Variants in ADAMTS12 observed in about 807,000 individuals in gnomAD.
The protein encoded by ADAMTS12 is ADAM metallopeptidase with thrombospondin type 1 motif 12.
ADAMTS12 carries 118 observed loss-of-function variants against 167.8 expected under a neutral mutation model. That is an observed-to-expected ratio of 0.70 (90% confidence interval 0.61 to 0.82). The LOEUF (loss-of-function observed/expected upper bound fraction) is 0.82. ADAMTS12 is among the 40% of genes least tolerant of loss of function. ADAMTS12 has a pLI of 0.00. For missense variants in ADAMTS12, 1,916 were observed against 1,998.8 expected (o/e 0.96, Z 0.79); for synonymous variants, 704 against 716.9 (o/e 0.98, Z 0.29).
chr5:33,580,464 C>T (rs552916679), intron 18 of ADAMTS12, among the ~76,000 whole-genome samples: 20 of 149,974 alleles, frequency 1.3e-4, no homozygotes, highest in Non-Finnish European at 2.5e-4. Context: ...CCCATGAGTT[C>T]CCTCCCTCAA....
intron 13 of ADAMTS12, among the ~76,000 whole-genome samples, chr5:33,626,996 A>T: frequency 8.1e-6 from 1 of 123,912 alleles, no homozygotes; most frequent in Non-Finnish European, 1.7e-5. Context: ...TTTGATGGTA[A>T]TGGTGGTGGT....
intron 2 of ADAMTS12, among the ~76,000 whole-genome samples, chr5:33,845,912 C>T (rs920504478): frequency 6.6e-6 from 1 of 152,288 alleles, no homozygotes. Context: ...AGAGGAGGTG[C>T]CAGCCTCTTG....
intron 12 of ADAMTS12, among the ~76,000 whole-genome samples, 154 bp downstream of exon 12, chr5:33,637,423 C>A (rs1264966893): frequency 6.6e-6 from 1 of 152,198 alleles, no homozygotes; most frequent in Non-Finnish European, 1.5e-5. Flanking sequence ...ATCAACTTAA[C>A]CAGGTCAGTG....
intron 5 of ADAMTS12, among the ~76,000 whole-genome samples, chr5:33,671,869 C>A (rs1457014446): frequency 6.6e-6 from 1 of 150,898 alleles, no homozygotes; most frequent in East Asian, 2.0e-4. Context: ...CACATACACA[C>A]ACACACAACC....
chr5:33,538,506 TG>T (rs889006996), intron 22 of ADAMTS12, among the ~76,000 whole-genome samples: 2 of 152,134 alleles, frequency 1.3e-5, no homozygotes, highest in African/African-American at 4.8e-5. Flanking sequence ...TGAGATACAA[TG>T]GGACTTGCTC....
intron 2 of ADAMTS12, among the ~76,000 whole-genome samples, chr5:33,869,093 C>T (rs557843923): frequency 6.6e-6 from 1 of 152,264 alleles, no homozygotes; most frequent in African/African-American, 2.4e-5. Flanking sequence ...GCAGCTGCTC[C>T]ATCACAGACC....
intron 2 of ADAMTS12, among the ~76,000 whole-genome samples, chr5:33,824,014 T>C (rs979681990): frequency 1.3e-5 from 2 of 152,226 alleles, no homozygotes; most frequent in African/African-American, 4.8e-5. Flanking sequence ...TGGTCAGTTA[T>C]ATACCCCAAT....
At chr5:33,544,260 A>G (rs568131755) in intron 22 of ADAMTS12, among the ~76,000 whole-genome samples, 45 of 152,356 alleles carry the variant, frequency 3.0e-4, no homozygotes, top group South Asian at 1.7e-3. Flanking sequence ...TCCCATTCAC[A>G]ATCGCTACAA....
At chr5:33,868,457 C>T (rs539617936) in intron 2 of ADAMTS12, among the ~76,000 whole-genome samples, 1 of 152,294 alleles carries the variant, frequency 6.6e-6, no homozygotes, top group Admixed American at 6.5e-5. Context: ...TGATGAGGAA[C>T]TTGTTGGGAA....
chr5:33,557,624 C>G (rs1421481799), intron 20 of ADAMTS12, among the ~76,000 whole-genome samples: 1 of 151,618 alleles, frequency 6.6e-6, no homozygotes, highest in African/African-American at 2.4e-5. Flanking sequence ...AGTGAGACCC[C>G]ATCTCAAAAA....
intron 2 of ADAMTS12, among the ~76,000 whole-genome samples, chr5:33,771,373 T>C (rs1481994813): frequency 6.6e-6 from 1 of 152,178 alleles, no homozygotes; most frequent in African/African-American, 2.4e-5. Flanking sequence ...GTACCAGTTA[T>C]TGCCTGGGAG....
chr5:33,764,960 C>T (rs930447897), intron 2 of ADAMTS12, among the ~76,000 whole-genome samples: 1 of 152,062 alleles, frequency 6.6e-6, no homozygotes, highest in African/African-American at 2.4e-5. Flanking sequence ...ATGAACATAA[C>T]ACACCAAAAC....
At chr5:33,777,888 C>T (rs1396197078) in intron 2 of ADAMTS12, among the ~76,000 whole-genome samples, 6 of 151,444 alleles carry the variant, frequency 4.0e-5, no homozygotes, top group Non-Finnish European at 7.4e-5. Flanking sequence ...TAACAAAGAG[C>T]TATCCCAAAA....
chr5:33,839,909 T>C (rs1748684453), intron 2 of ADAMTS12, among the ~76,000 whole-genome samples: 1 of 152,240 alleles, frequency 6.6e-6, no homozygotes, highest in South Asian at 2.1e-4. Flanking sequence ...TTACTAGGGC[T>C]GAATCAAGTG....
At chr5:33,579,373 G>A (rs1746936066) in intron 18 of ADAMTS12, among the ~76,000 whole-genome samples, 1 of 152,160 alleles carries the variant, frequency 6.6e-6, no homozygotes, top group Admixed American at 6.5e-5. Context: ...TCAGGCAACA[G>A]GTGGCTCTCT....
intron 2 of ADAMTS12, among the ~76,000 whole-genome samples, chr5:33,830,558 G>A (rs1444781034): frequency 6.6e-6 from 1 of 152,134 alleles, no homozygotes. Flanking sequence ...GGAGTCCAAG[G>A]CTGGAGGATC....
At chr5:33,540,590 C>T (rs574252265) in intron 22 of ADAMTS12, among the ~76,000 whole-genome samples, 3 of 152,296 alleles carry the variant, frequency 2.0e-5, no homozygotes, top group African/African-American at 7.2e-5. Flanking sequence ...GGCAGCTGAC[C>T]CTCTGGGACG....
chr5:33,759,497 C>T (rs528822988), intron 2 of ADAMTS12, among the ~76,000 whole-genome samples: 2 of 152,246 alleles, frequency 1.3e-5, no homozygotes, highest in South Asian at 4.2e-4. Context: ...TTTTTGCTGA[C>T]AAGAACTAAA....
At chr5:33,852,859 TA>T (rs1749268085) in intron 2 of ADAMTS12, among the ~76,000 whole-genome samples, 1 of 152,130 alleles carries the variant, frequency 6.6e-6, no homozygotes, top group African/African-American at 2.4e-5. Flanking sequence ...GTATCATCAA[TA>T]AAAAGGCAAA....
Sources: gnomAD v4.1 joint callset for allele counts (sites outside exome capture counted in the v4.1 genomes callset) on GRCh38, gnomAD v4.1.1 for gene constraint, MANE v1.5 for transcripts, NCBI Gene and HGNC (gene_info 2026-07-23, HGNC 2026-07-21) for gene names.